The following PM20D2 variants were observed in gnomAD, a reference collection of about 807,000 sequenced individuals.
The protein encoded by PM20D2 is xaa-Arg dipeptidase.
PM20D2 carries 33 observed loss-of-function variants against 42.9 expected under a neutral mutation model. The observed-to-expected ratio is 0.77, with a 90% CI of 0.58 to 1.03. The LOEUF (loss-of-function observed/expected upper bound fraction) is 1.03. Among genes scored for constraint, PM20D2 ranks in the 50% least tolerant of loss-of-function variants. The probability of loss-of-function intolerance (pLI) is 0.00; values close to 1 mark genes in which losing one functional copy is unlikely to be tolerated. For synonymous variants in PM20D2, 250 were observed against 228.2 expected (o/e 1.10, Z -0.86); for missense variants, 548 against 557.0 (o/e 0.98, Z 0.16).
intron 1 of PM20D2, among the ~76,000 whole-genome samples, chr6:89,147,831 T>C (rs1417618247): frequency 2.0e-5 from 3 of 150,652 alleles, no homozygotes; most frequent in Non-Finnish European, 4.4e-5. Flanking sequence ...AGGCAGAGGT[T>C]GCAGTGAGCC....
chr6:89,140,432 CT>C, the PM20D2 span, among the ~76,000 whole-genome samples: 16 of 152,156 alleles, frequency 1.1e-4, no homozygotes, highest in East Asian at 2.9e-3. Context: ...GAAGTGAATC[CT>C]TAGTAAAGGT....
chr6:89,161,429 G>C (rs1036858853), intron 5 of PM20D2, among the ~76,000 whole-genome samples: 5 of 152,184 alleles, frequency 3.3e-5, no homozygotes, highest in African/African-American at 1.2e-4. Context: ...ATCCCCAAGA[G>C]AGACAGAAGA....
chr6:89,104,736 G>A, the PM20D2 span, among the ~76,000 whole-genome samples: 1 of 152,006 alleles, frequency 6.6e-6, no homozygotes, highest in Admixed American at 6.6e-5. Flanking sequence ...AATGACTAAG[G>A]TGGACTGTTT....
At chr6:89,123,902 T>C in the PM20D2 span, among the ~76,000 whole-genome samples, 1 of 151,850 alleles carries the variant, frequency 6.6e-6, no homozygotes, top group African/African-American at 2.4e-5. Context: ...TTGGGCATGG[T>C]GGAGTGTGCC....
rs756379843 is a variant in PM20D2 at position 89,158,325 on chromosome 6, G to A, written c.913G>A (p.Val305Met). ...AATTTGTTTTGCAATTTTTTATTAG[G>A]TGGAAATTAAAGGTGGAGCACATGA... is the stretch of plus-strand genomic sequence containing the variant. Reference protein sequence around the residue: ...RAAALASGCTVEIKGGAHDYY... With the variant: ...RAAALASGCTMEIKGGAHDYY... The change falls in exon 5 of 7, where the codon GTG becomes ATG. Residue 305 changes from valine to methionine, a missense_variant and splice_region_variant. Coordinates refer to ENST00000275072, the MANE Select transcript of PM20D2 (RefSeq NM_001010853.3). 3 of 1,565,478 alleles carry A rather than the reference G, an allele frequency of 1.9e-6. No homozygotes were observed. Among genetic ancestry groups the A allele is most frequent in the Non-Finnish European group, 1.7e-6 (2 of 1,162,700 alleles).
chr6:89,154,929 G>A (rs1770983761), intron 4 of PM20D2, 27 bp downstream of exon 4: 1 of 1,539,486 alleles, frequency 6.5e-7, no homozygotes, highest in Non-Finnish European at 8.7e-7. Context: ...GTTAATCTAA[G>A]TTACAATCAG....
At position 89,161,766 on chromosome 6, in the gene PM20D2, A is replaced by T; in HGVS notation, c.1049-17A>T. 1 of 1,561,530 alleles carries T rather than the reference A, an allele frequency of 6.4e-7. No homozygotes were observed. The highest frequency in any genetic ancestry group is 8.8e-7 in the Non-Finnish European group (1 of 1,132,132). ...CATATACTTAAATAGACTTTTCTTA[A>T]CTTTGTGTGTTCCAAGGATCTACGG... On this transcript the variant is annotated splice_polypyrimidine_tract_variant and intron_variant, in intron 5 of 6. Coordinates refer to ENST00000275072, the MANE Select transcript of PM20D2 (RefSeq NM_001010853.3).
chr6:89,141,388 C>CAA (rs1473220038), upstream of PM20D2, among the ~76,000 whole-genome samples: 1 of 152,126 alleles, frequency 6.6e-6, no homozygotes, highest in African/African-American at 2.4e-5. Flanking sequence ...TTTTTAAAGA[C>CAA]AGAGTCTCAC....
At chr6:89,099,474 A>ATATGTGTGTG in the PM20D2 span, among the ~76,000 whole-genome samples, 3 of 145,996 alleles carry the variant, frequency 2.1e-5, no homozygotes, top group Non-Finnish European at 4.5e-5. Flanking sequence ...GTGTGTGTAT[A>ATATGTGTGTG]TATATATGTG....
chr6:89,158,903 T>C (rs1165044761), intron 5 of PM20D2, among the ~76,000 whole-genome samples: 1 of 152,174 alleles, frequency 6.6e-6, no homozygotes, highest in Non-Finnish European at 1.5e-5. Flanking sequence ...TTTTTCCTTT[T>C]AAAAGCATAT....
chr6:89,163,777 C>T lies in PM20D2; in HGVS notation c.*1514C>T, dbSNP rs759018214. ...TTGAGGTATCTTTGTTTTTATGGAACATTTTTATTACATGCCTTTATAATT... is the reference window on the plus strand; with the variant it reads ...TTGAGGTATCTTTGTTTTTATGGAATATTTTTATTACATGCCTTTATAATT... On this transcript the variant is annotated 3_prime_UTR_variant, in exon 7 of 7. Coordinates refer to ENST00000275072, the MANE Select transcript of PM20D2 (RefSeq NM_001010853.3). 6.6e-6 allele frequency: 1 copy of T among 152,164 alleles called. No homozygotes were observed. The highest frequency in any genetic ancestry group is 1.5e-5 in the Non-Finnish European group (1 of 68,016). The allele number at this position is 152,164 out of a possible 1,614,324, so 9.4% of individuals were successfully genotyped here. A position where few individuals can be genotyped will look rare whatever the true frequency, so the allele number is the denominator to read the frequency against.
intron 5 of PM20D2, 84 bp from the exon 6 acceptor site, chr6:89,161,699 C>A: frequency 9.4e-7 from 1 of 1,069,038 alleles, no homozygotes; most frequent in Non-Finnish European, 1.4e-6. Flanking sequence ...TGCGTCTCTT[C>A]TAACAGGGAC....
At chr6:89,099,859 CACA>C in the PM20D2 span, among the ~76,000 whole-genome samples, 16 of 152,042 alleles carry the variant, frequency 1.1e-4, no homozygotes, top group African/African-American at 3.9e-4. Flanking sequence ...TGAAAAGCTA[CACA>C]ACATTTATAA....
At position 89,162,358 on chromosome 6, in the gene PM20D2, GA is replaced by G; in HGVS notation, c.*96del. ...GCATGCTTGTTTTTTAATCTTAAAG[GA>G]GTAAAATTCTTTTTACCTGATAAGT... On this transcript the variant is annotated 3_prime_UTR_variant, in exon 7 of 7. Coordinates refer to ENST00000275072, the MANE Select transcript of PM20D2 (RefSeq NM_001010853.3). The G allele has an allele frequency of 2.4e-6, 3 of 1,269,974 alleles. No individual in the cohort carries two copies. The highest frequency in any genetic ancestry group is 1.6e-5 in the South Asian group (1 of 63,336). The allele number at this position is 1,269,974 out of a possible 1,614,324, so 78.7% of individuals were successfully genotyped here.
chr6:89,123,132 G>A, the PM20D2 span, among the ~76,000 whole-genome samples: 100,015 of 152,016 alleles, frequency 0.66, 33,783 homozygotes, highest in South Asian at 0.76. Flanking sequence ...CTAAAATGAT[G>A]TTGGGTATTG....
At chr6:89,124,874 T>C in the PM20D2 span, among the ~76,000 whole-genome samples, 1 of 151,628 alleles carries the variant, frequency 6.6e-6, no homozygotes, top group Admixed American at 6.6e-5. Flanking sequence ...TTGCTGGTGC[T>C]ACAAGTGTGT....
the PM20D2 span, among the ~76,000 whole-genome samples, chr6:89,132,340 TCTC>T: frequency 6.9e-6 from 1 of 144,896 alleles, no homozygotes; most frequent in African/African-American, 2.9e-5. Flanking sequence ...ATTCACCTTC[TCTC>T]CAATAGGAGG....
chr6:89,095,975 GATTT>G, the PM20D2 span: 5 of 152,074 alleles, frequency 3.3e-5, no homozygotes, highest in South Asian at 2.1e-4. Context: ...TAAAACGTTT[GATTT>G]ATTAATAAAC....
upstream of PM20D2, among the ~76,000 whole-genome samples, chr6:89,141,510 C>T (rs1275784136): frequency 6.6e-5 from 10 of 151,972 alleles, no homozygotes; most frequent in East Asian, 1.9e-4. Context: ...GGATTACAGG[C>T]GCCCGCCCCA....
Sources: gnomAD v4.1 joint callset for allele counts (sites outside exome capture counted in the v4.1 genomes callset) on GRCh38, gnomAD v4.1.1 for gene constraint, MANE v1.5 for transcripts, NCBI Gene and HGNC (gene_info 2026-07-23, HGNC 2026-07-21) for gene names.